The following SETBP1 variants were observed in gnomAD, a reference collection of about 807,000 sequenced individuals.
The protein encoded by SETBP1 is SET binding protein 1.
SETBP1 carries 9 observed loss-of-function variants against 101.0 expected under a neutral mutation model. The observed-to-expected ratio is 0.09, with a 90% confidence interval of 0.05 to 0.16. SETBP1 has a LOEUF of 0.16. SETBP1 is among the 10% of genes least tolerant of loss of function. SETBP1 has a pLI of 1.00. For synonymous variants in SETBP1, 818 were observed against 788.5 expected, an observed-to-expected ratio of 1.04 and a Z score of -0.63; for missense variants, 1,858 against 2,033.8, an observed-to-expected ratio of 0.91 and a Z score of 1.66.
At chr18:44,682,535 G>C (rs1409793295) in intron 1 of SETBP1, among the ~76,000 whole-genome samples, 1 of 152,152 alleles carries the variant, frequency 6.6e-6, no homozygotes, top group African/African-American at 2.4e-5. Context: ...TGAGGGAGGC[G>C]TGAGCTCTTT....
rs924091918 is a variant in SETBP1, at chr18:44,942,488, A to G, written c.541-7393A>G. 2.6e-5 allele frequency among the ~76,000 whole-genome samples: 4 copies of G among 152,046 alleles called. No individual in the cohort carries two copies. The East Asian group carries it at 7.7e-4, about 29-fold the overall frequency. On this transcript the variant is annotated intron_variant, in intron 3 of 5. Coordinates refer to ENST00000649279, the MANE Select transcript of SETBP1 (RefSeq NM_015559.3). ...AATTCCATTTCCCTCAGGAGCCCCA[A>G]ACTCTGATCTTGGTTTTGTCTTCCC...
At chr18:44,979,832 A>G (rs1481658792) in intron 4 of SETBP1, among the ~76,000 whole-genome samples, 1 of 152,240 alleles carries the variant, frequency 6.6e-6, no homozygotes, top group Non-Finnish European at 1.5e-5. Context: ...TGGCTCACAG[A>G]GCAGAAACAT....
intron 4 of SETBP1, among the ~76,000 whole-genome samples, chr18:45,023,005 A>C (rs1283795485): frequency 6.6e-6 from 1 of 152,136 alleles, no homozygotes; most frequent in Non-Finnish European, 1.5e-5. Flanking sequence ...TAAATAACTT[A>C]CCCAGGCCTG....
At position 44,951,215 on chromosome 18, in the gene SETBP1, A is replaced by T. The variant is rs1205511085; in HGVS notation, c.1875A>T (p.Arg625=). Residue 625 remains arginine (R), a synonymous_variant, in exon 4 of 6, where the codon CGA becomes CGT. Coordinates refer to ENST00000649279, the MANE Select transcript of SETBP1 (RefSeq NM_015559.3). This position sits in a 1 kb window ranked among gnomAD's most constrained non-coding sequence, Gnocchi z 7.8. Reference sequence around the variant, plus strand: ...TTCCTGGCACTAAGAAAAGAAAGCGACGACGCAATTTAGCGAAGTTGGCCC... The same window carrying T: ...TTCCTGGCACTAAGAAAAGAAAGCGTCGACGCAATTTAGCGAAGTTGGCCC... ...REFPGTKKRK[R]RRNLAKLAQL... 2 of 1,614,144 alleles carry T rather than the reference A, an allele frequency of 1.2e-6. No homozygotes were observed. Among genetic ancestry groups the T allele is most frequent in the East Asian group, 4.5e-5 (2 of 44,876 alleles).
intron 3 of SETBP1, among the ~76,000 whole-genome samples, chr18:44,881,205 A>G (rs1211808507): frequency 6.6e-6 from 1 of 152,238 alleles, no homozygotes; most frequent in African/African-American, 2.4e-5. Context: ...ATTTTATGGT[A>G]TAACAGGAAT....
intron 2 of SETBP1, among the ~76,000 whole-genome samples, chr18:44,772,078 A>G (rs376947812): frequency 3.0e-4 from 46 of 151,970 alleles, no homozygotes; most frequent in African/African-American, 1.0e-3. Flanking sequence ...TTTAAACTTT[A>G]TGCTTCCTCT....
chr18:45,000,775 A>G (rs1177635443), intron 4 of SETBP1, among the ~76,000 whole-genome samples: 1 of 138,532 alleles, frequency 7.2e-6, no homozygotes. Flanking sequence ...AGAGCCATAC[A>G]TCAACGGGAA....
intron 3 of SETBP1, among the ~76,000 whole-genome samples, chr18:44,880,890 G>T (rs1011662500): frequency 6.6e-6 from 1 of 152,160 alleles, no homozygotes; most frequent in African/African-American, 2.4e-5. Flanking sequence ...TGAGATCTGG[G>T]TGGGGACAAA....
At chr18:44,681,829 C>T (rs1274958848) in intron 1 of SETBP1, among the ~76,000 whole-genome samples, 5 of 152,046 alleles carry the variant, frequency 3.3e-5, no homozygotes, top group Non-Finnish European at 7.3e-5. Flanking sequence ...GATAATCTCA[C>T]GGTTGACATC....
intron 5 of SETBP1, among the ~76,000 whole-genome samples, chr18:45,042,025 G>A (rs982123583): frequency 1.3e-5 from 2 of 152,094 alleles, no homozygotes; most frequent in Admixed American, 6.5e-5. Flanking sequence ...CTGACACATA[G>A]TACATGCTCA....
intron 1 of SETBP1, among the ~76,000 whole-genome samples, chr18:44,695,459 C>G (rs2144155708): frequency 6.6e-6 from 1 of 152,272 alleles, no homozygotes; most frequent in African/African-American, 2.4e-5. Flanking sequence ...AAGAGGAAAC[C>G]AAATCAGGCC....
Position 44,951,861 on chromosome 18 carries a change from C to T in SETBP1, c.2521C>T (p.His841Tyr). Residue 841 changes from histidine (H) to tyrosine (Y), a missense_variant, in exon 4 of 6, where the codon CAC becomes TAC. Transcript: ENST00000649279. The surrounding 1 kb of genome is among the most constrained non-coding windows in gnomAD (Gnocchi z 7.8). ...PPRLMANSPS[H>Y]LCEIGSLKEI... ...CAGACTGATGGCCAACTCCCCTTCA[C>T]ACCTGTGCGAGATTGGCTCCCTAAA... The T allele has an allele frequency of 6.2e-7, 1 of 1,614,126 alleles. No homozygotes were observed. The highest frequency in any genetic ancestry group is 2.2e-5 in the East Asian group (1 of 44,864).
At chr18:44,907,550 A>T (rs549928327) in intron 3 of SETBP1, among the ~76,000 whole-genome samples, 23 of 152,148 alleles carry the variant, frequency 1.5e-4, no homozygotes, top group Admixed American at 6.5e-4. Context: ...TGGCCACCCT[A>T]GAAGGTATGA....
intron 5 of SETBP1, among the ~76,000 whole-genome samples, chr18:45,053,621 A>AG (rs1170573902): frequency 2.0e-5 from 3 of 152,228 alleles, no homozygotes; most frequent in African/African-American, 7.2e-5. Context: ...CAGGAAAAAA[A>AG]CAAAACAGAG....
At chr18:44,908,097 G>A (rs1670817291) in intron 3 of SETBP1, among the ~76,000 whole-genome samples, 1 of 150,696 alleles carries the variant, frequency 6.6e-6, no homozygotes, top group Non-Finnish European at 1.5e-5. Flanking sequence ...GTCTTGCTCT[G>A]ACACCTGGGC....
At chr18:45,019,055 C>G (rs2073005945) in intron 4 of SETBP1, among the ~76,000 whole-genome samples, 1 of 152,146 alleles carries the variant, frequency 6.6e-6, no homozygotes, top group Admixed American at 6.5e-5. Context: ...CAATAACAGA[C>G]AAGCCTTTGA....
chr18:44,869,953 T>C (rs187973521), intron 3 of SETBP1: 1 of 165,708 alleles, frequency 6.0e-6, no homozygotes, highest in East Asian at 1.6e-4. Flanking sequence ...CAAAAGCCCT[T>C]GTGTGCTCAC....
At chr18:44,710,374 G>A (rs887098523) in intron 2 of SETBP1, among the ~76,000 whole-genome samples, 1 of 151,858 alleles carries the variant, frequency 6.6e-6, no homozygotes, top group Non-Finnish European at 1.5e-5. Flanking sequence ...AGAGTCTGAG[G>A]CCTTGGTTCA....
chr18:44,792,621 GTTAA>G (rs2071392909), intron 2 of SETBP1, among the ~76,000 whole-genome samples: 4 of 152,178 alleles, frequency 2.6e-5, no homozygotes. Context: ...AGCAGGATGT[GTTAA>G]TTGTCTTTTG....
Sources: gnomAD v4.1 joint callset for allele counts (sites outside exome capture counted in the v4.1 genomes callset) on GRCh38, gnomAD v4.1.1 for gene constraint, Gnocchi (gnomAD v3.1) non-coding constraint, MANE v1.5 for transcripts, NCBI Gene and HGNC (gene_info 2026-07-23, HGNC 2026-07-21) for gene names.